The following RPRD1A variants were observed in gnomAD, a reference collection of about 807,000 sequenced individuals.
RPRD1A encodes regulation of nuclear pre-mRNA domain containing 1A, also known as regulation of nuclear pre-mRNA domain-containing protein 1A.
Under a neutral mutation model 37.8 loss-of-function variants are expected in RPRD1A, and 9 were observed. The ratio of observed to expected loss-of-function variants is 0.24; its 90% CI spans 0.14 to 0.42. RPRD1A has a LOEUF of 0.42. Among genes scored for constraint, RPRD1A ranks in the 10% least tolerant of loss-of-function variants. RPRD1A has a pLI of 1.00. For synonymous variants in RPRD1A, 138 were observed against 139.7 expected (o/e 0.99, Z 0.08); for missense variants, 255 against 371.0 (o/e 0.69, Z 2.57).
chr18:36,037,857 C>T (rs1474532820), intron 1 of RPRD1A, among the ~76,000 whole-genome samples: 2 of 152,112 alleles, frequency 1.3e-5, no homozygotes, highest in East Asian at 3.9e-4. Context: ...AGCATTTTGC[C>T]CCTGCCCTAG....
intron 6 of RPRD1A, among the ~76,000 whole-genome samples, chr18:36,013,489 T>C (rs758277702): frequency 1.3e-5 from 2 of 151,906 alleles, no homozygotes; most frequent in African/African-American, 2.4e-5. Context: ...ACATCAAATA[T>C]CAAGCAAAAT....
chr18:36,045,956 T>A (rs1598651472), intron 1 of RPRD1A, among the ~76,000 whole-genome samples: 1 of 152,218 alleles, frequency 6.6e-6, no homozygotes, highest in East Asian at 1.9e-4. Context: ...TTTTGAAGAC[T>A]AACTATACAG....
chr18:36,010,127 T>G (rs899353945), intron 6 of RPRD1A, among the ~76,000 whole-genome samples: 2 of 152,154 alleles, frequency 1.3e-5, no homozygotes, highest in Non-Finnish European at 2.9e-5. Context: ...TTTATGTAAT[T>G]CTTTATTATA....
Position 36,027,058 on chromosome 18 carries a change from T to G in RPRD1A, c.631A>C (p.Arg211=), listed in dbSNP as rs1178424972. The G allele has an allele frequency of 6.2e-7, 1 of 1,613,976 alleles. No individual in the cohort carries two copies. Among genetic ancestry groups the G allele is most frequent in the Non-Finnish European group, 8.5e-7 (1 of 1,179,872 alleles). ...GCATCCTCTACCATTTTGGAAAGCCTTTCTCCAGATTCTTTATCTAAGAAA... is the reference window on the plus strand; with the variant it reads ...GCATCCTCTACCATTTTGGAAAGCCGTTCTCCAGATTCTTTATCTAAGAAA... ...DKITDKESGE[R]LSKMVEDACM... Residue 211 remains arginine (R), a synonymous_variant, in exon 6 of 7, where the codon AGG becomes CGG. Coordinates refer to ENST00000399022, the MANE Select transcript of RPRD1A (RefSeq NM_018170.5).
At chr18:36,008,571 G>GTCTATATATATATA (rs1359543093) in intron 6 of RPRD1A, among the ~76,000 whole-genome samples, 2 of 27,940 alleles carry the variant, frequency 7.2e-5, no homozygotes, top group African/African-American at 3.4e-4. Context: ...GCAAGACCTT[G>GTCTATATATATATA]TGTGTGTATA....
Position 35,993,084 on chromosome 18 carries a change from C to CGT in RPRD1A, c.*66_*67insAC, listed in dbSNP as rs536340691. 4.5e-5 allele frequency: 64 copies of CGT among 1,410,178 alleles called. 1 individual carries two copies. In the South Asian group the frequency reaches 7.8e-4, roughly 17 times the overall value. 87.4% of individuals were successfully genotyped at this position (1,410,178 alleles called of 1,614,324 possible). A position where few individuals can be genotyped will look rare whatever the true frequency, so the allele number is the denominator to read the frequency against. On this transcript the variant is annotated 3_prime_UTR_variant, in exon 7 of 7. Transcript: ENST00000399022. ...TCAACAATATACAAAAATAACACTA[C>CGT]AGGACTATCCACCTAACCTGTCTCC...
At chr18:36,041,800 T>TC (rs1912601174) in intron 1 of RPRD1A, among the ~76,000 whole-genome samples, 1 of 152,238 alleles carries the variant, frequency 6.6e-6, no homozygotes, top group African/African-American at 2.4e-5. Flanking sequence ...CAAGAGATGA[T>TC]TCTTCAATGG....
intron 6 of RPRD1A, among the ~76,000 whole-genome samples, chr18:35,993,676 G>A (rs1568109031): frequency 6.6e-6 from 1 of 152,200 alleles, no homozygotes; most frequent in Non-Finnish European, 1.5e-5. Flanking sequence ...GGAATGGCCA[G>A]AGTCTGTGGT....
At chr18:36,028,786 AACCATTGATAAT>A (rs1157103279) in intron 4 of RPRD1A, among the ~76,000 whole-genome samples, 1 of 152,240 alleles carries the variant, frequency 6.6e-6, no homozygotes, top group Non-Finnish European at 1.5e-5. Flanking sequence ...CACAAAGCTG[AACCATTGATAAT>A]TAAGCAGCAC....
chr18:36,027,350 T>C, intron 4 of RPRD1A, 40 bp from the exon 5 acceptor site: 1 of 1,608,420 alleles, frequency 6.2e-7, no homozygotes, highest in Non-Finnish European at 8.5e-7. Flanking sequence ...TAAATTGAGC[T>C]TAAACAAGTG....
intron 6 of RPRD1A, among the ~76,000 whole-genome samples, chr18:36,005,236 G>A (rs975724321): frequency 1.3e-5 from 2 of 152,116 alleles, no homozygotes; most frequent in Admixed American, 1.3e-4. Context: ...GGGAGGTGGA[G>A]CTTGCAGTGA....
chr18:36,053,206 C>T (rs886100389), intron 1 of RPRD1A, among the ~76,000 whole-genome samples: 3 of 152,052 alleles, frequency 2.0e-5, no homozygotes, highest in African/African-American at 7.2e-5. Context: ...TAAATTTAAC[C>T]ACTTTAAAGC....
At chr18:36,062,399 T>C (rs1598676780) in intron 1 of RPRD1A, among the ~76,000 whole-genome samples, 1 of 135,632 alleles carries the variant, frequency 7.4e-6, no homozygotes, top group Non-Finnish European at 1.6e-5. Context: ...AGGTTGAACA[T>C]AGGATTCCCA....
At chr18:36,053,667 C>T (rs147851007) in intron 1 of RPRD1A, among the ~76,000 whole-genome samples, 2,523 of 152,148 alleles carry the variant, frequency 0.017, 90 homozygotes, top group Admixed American at 0.081. Context: ...TTTCAAGTCT[C>T]GTAAACATAT....
At chr18:36,043,809 T>C (rs1912765999) in intron 1 of RPRD1A, among the ~76,000 whole-genome samples, 1 of 152,214 alleles carries the variant, frequency 6.6e-6, no homozygotes, top group African/African-American at 2.4e-5. Context: ...TATCCTCATT[T>C]TACCAATGAA....
At chr18:36,026,415 A>G (rs1364043435) in intron 6 of RPRD1A, 1 of 153,166 alleles carries the variant, frequency 6.5e-6, no homozygotes. Context: ...AATTTACAGG[A>G]GCAATGAATT....
At chr18:36,008,398 C>T (rs562871625) in intron 6 of RPRD1A, among the ~76,000 whole-genome samples, 46 of 151,172 alleles carry the variant, frequency 3.0e-4, no homozygotes, top group Non-Finnish European at 6.2e-4. Context: ...GGCAACACAA[C>T]AAGATCTCCT....
In RPRD1A at chr18:35,990,358, G is replaced by A. The variant is rs1908649826; in HGVS notation, c.*2793C>T. 2 of 152,118 alleles carry A rather than the reference G, an allele frequency of 1.3e-5. No homozygotes were observed. Among genetic ancestry groups the A allele is most frequent in the Non-Finnish European group, 2.9e-5 (2 of 68,020 alleles). 9.4% of individuals were successfully genotyped at this position (152,118 alleles called of 1,614,324 possible). On this transcript the variant is annotated 3_prime_UTR_variant, in exon 7 of 7. Transcript: ENST00000399022. The stretch of plus-strand genomic sequence containing the variant: ...TGTGATTTTGCAAATCAAGATGCCT[G>A]GGTCATCCCCACTTTTGCTGATTCT...
chr18:36,030,830 C>G lies in RPRD1A; in HGVS notation c.464G>C (p.Gly155Ala). The G allele has an allele frequency of 6.2e-7, 1 of 1,612,154 alleles. No homozygotes were observed. Among genetic ancestry groups the G allele is most frequent in the Non-Finnish European group, 8.5e-7 (1 of 1,178,696 alleles). Reference protein sequence around the residue: ...VDENENCSSLGSPSEPPQTLD... With the variant: ...VDENENCSSLASPSEPPQTLD... ...TACCTGTGGTGGTTCACTTGGAGAT[C>G]CCAGAGAGGAACAGTTTTCATTTTC... Residue 155 changes from glycine to alanine, a missense_variant, in exon 4 of 7, where the codon GGA becomes GCA. Physicochemically the swap from Gly to Ala is moderately conservative, Grantham distance 60. Around this residue, in one of 2 missense-constraint regions of RPRD1A, gnomAD observed 211 missense variants for 268.9 expected, o/e 0.78. Transcript: ENST00000399022.
Sources: allele counts gnomAD v4.1 joint callset (sites outside exome capture counted in the v4.1 genomes callset), GRCh38; gene constraint gnomAD v4.1.1; regional missense constraint gnomAD v4.1.1; transcripts MANE v1.5; gene names NCBI Gene and HGNC (gene_info 2026-07-23, HGNC 2026-07-21).